Variants in PMS1 observed in about 807,000 individuals in gnomAD.
PMS1 encodes PMS1 protein homolog 1.
Under a neutral mutation model 93.1 loss-of-function variants are expected in PMS1, and 79 were observed. The observed-to-expected ratio is 0.85, with a 90% confidence interval of 0.71 to 1.02. PMS1 has a LOEUF of 1.02. PMS1 is among the 50% of genes least tolerant of loss of function. The pLI is 0.00. For missense variants in PMS1, 1,064 were observed against 1,085.3 expected (o/e 0.98, Z 0.28); for synonymous variants, 335 against 363.4 (o/e 0.92, Z 0.89).
At chr2:189,862,104 C>T (rs1259280399) in intron 9 of PMS1, among the ~76,000 whole-genome samples, 1 of 152,120 alleles carries the variant, frequency 6.6e-6, no homozygotes, top group South Asian at 2.1e-4. Flanking sequence ...TTATCTGGGA[C>T]TCCAATGACA....
chr2:189,788,105 A>G (rs914317423), intron 1 of PMS1, among the ~76,000 whole-genome samples: 4 of 152,238 alleles, frequency 2.6e-5, no homozygotes, highest in African/African-American at 9.6e-5. Context: ...ATGAGGTATT[A>G]TAGGAAACGA....
chr2:189,837,980 G>A (rs1257172797), intron 5 of PMS1, among the ~76,000 whole-genome samples: 1 of 152,134 alleles, frequency 6.6e-6, no homozygotes. Context: ...ATTTTATATA[G>A]AGAGAAGATA....
intron 5 of PMS1, among the ~76,000 whole-genome samples, chr2:189,835,317 CA>C (rs1358819515): frequency 6.6e-6 from 1 of 152,110 alleles, no homozygotes; most frequent in East Asian, 1.9e-4. Context: ...TAGCAATAAT[CA>C]ATTCATATTA....
At chr2:189,822,852 T>C (rs186859528) in intron 5 of PMS1, among the ~76,000 whole-genome samples, 69 of 152,296 alleles carry the variant, frequency 4.5e-4, no homozygotes, top group African/African-American at 1.6e-3. Flanking sequence ...GTAAAAATCT[T>C]ATAAGAAAAT....
intron 6 of PMS1, among the ~76,000 whole-genome samples, chr2:189,845,404 C>T (rs1036538316): frequency 6.6e-6 from 1 of 151,964 alleles, no homozygotes; most frequent in African/African-American, 2.4e-5. Flanking sequence ...CAAAATTTAT[C>T]ATGTTTTTCT....
intron 3 of PMS1, among the ~76,000 whole-genome samples, chr2:189,804,707 C>A (rs1010432191): frequency 3.3e-5 from 5 of 152,082 alleles, no homozygotes; most frequent in Admixed American, 3.3e-4. Flanking sequence ...CAGATGAGTT[C>A]CAACAGTGGG....
At chr2:189,836,629 A>T (rs2053406904) in intron 5 of PMS1, among the ~76,000 whole-genome samples, 1 of 152,238 alleles carries the variant, frequency 6.6e-6, no homozygotes, top group African/African-American at 2.4e-5. Context: ...TCCTGTTTTG[A>T]AAATGAATCT....
At chr2:189,865,075 A>C (rs1048831691) in intron 10 of PMS1, among the ~76,000 whole-genome samples, 3 of 151,848 alleles carry the variant, frequency 2.0e-5, no homozygotes, top group Non-Finnish European at 4.4e-5. Flanking sequence ...ATCTTTCAAT[A>C]TCTCTCTCTC....
At chr2:189,809,158 A>G (rs2050603091) in intron 4 of PMS1, among the ~76,000 whole-genome samples, 1 of 152,192 alleles carries the variant, frequency 6.6e-6, no homozygotes. Context: ...TTAATTTAAG[A>G]ATGGACCTTT....
chr2:189,825,054 T>G (rs1347276767), intron 5 of PMS1, among the ~76,000 whole-genome samples: 1 of 152,128 alleles, frequency 6.6e-6, no homozygotes, highest in African/African-American at 2.4e-5. Flanking sequence ...AGACAAACAA[T>G]CATATTGCGC....
intron 1 of PMS1, among the ~76,000 whole-genome samples, chr2:189,791,060 A>T (rs1010346362): frequency 6.6e-6 from 1 of 151,906 alleles, no homozygotes; most frequent in Non-Finnish European, 1.5e-5. Context: ...TTCTTCCTCT[A>T]ATGTTATTGT....
At chr2:189,870,821 CCA>C (rs1055048148) in intron 11 of PMS1, among the ~76,000 whole-genome samples, 11 of 152,230 alleles carry the variant, frequency 7.2e-5, no homozygotes, top group African/African-American at 2.6e-4. Flanking sequence ...TTTTTGCCTA[CCA>C]CACACAGTTT....
Position 189,855,068 on chromosome 2 carries a change from A to G in PMS1, c.1796A>G (p.Glu599Gly). Residue 599 changes from glutamate to glycine, a missense_variant, in exon 9 of 13, where the codon GAG becomes GGG. By Grantham distance (98) the Glu-to-Gly change is moderately conservative (BLOSUM62 -2). Transcript: ENST00000441310. ...FLIENPKTSL[E>G]DATLQIEELW... ...ATAGAAAATCCTAAGACTAGTTTAGAGGATGCAACACTACAAATTGAAGAA... is the reference window on the plus strand; with the variant it reads ...ATAGAAAATCCTAAGACTAGTTTAGGGGATGCAACACTACAAATTGAAGAA... 1.1e-5 allele frequency: 17 copies of G among 1,613,344 alleles called. No homozygotes were observed. The highest frequency in any genetic ancestry group is 1.4e-5 in the Non-Finnish European group (17 of 1,179,418).
intron 6 of PMS1, among the ~76,000 whole-genome samples, chr2:189,846,863 C>CT (rs751908829): frequency 1.8e-3 from 246 of 137,662 alleles, no homozygotes; most frequent in East Asian, 3.1e-3. Context: ...TCTTTTTTTT[C>CT]TTTTTTTTTT....
intron 9 of PMS1, among the ~76,000 whole-genome samples, chr2:189,858,061 A>C (rs2055538284): frequency 1.3e-5 from 2 of 152,116 alleles, no homozygotes; most frequent in African/African-American, 4.8e-5. Context: ...CAAAGCTATA[A>C]CAAAGAGTTT....
chr2:189,803,826 C>T lies in PMS1; in HGVS notation c.316-1826C>T, dbSNP rs369570077. ...TTGCAAAGCATTTCATATCTAAATA[C>T]GTTTTCGTAGTATTCTACAAATTGT... On this transcript the variant is annotated intron_variant, in intron 3 of 12. Coordinates refer to ENST00000441310, the MANE Select transcript of PMS1 (RefSeq NM_000534.5). Among the ~76,000 whole-genome samples, 11 of 152,062 alleles carry T rather than the reference C, an allele frequency of 7.2e-5. No homozygotes were observed. In the South Asian group the frequency reaches 8.3e-4, roughly 11 times the overall value.
intron 11 of PMS1, among the ~76,000 whole-genome samples, chr2:189,872,612 A>G (rs1198660211): frequency 6.6e-6 from 1 of 152,076 alleles, no homozygotes; most frequent in Non-Finnish European, 1.5e-5. Flanking sequence ...CCAATCCTTT[A>G]GCTAGTTTCT....
intron 6 of PMS1, among the ~76,000 whole-genome samples, chr2:189,846,157 T>C (rs1221258926): frequency 6.6e-6 from 1 of 151,682 alleles, no homozygotes; most frequent in African/African-American, 2.4e-5. Flanking sequence ...CTGAGGCACT[T>C]GGGGCCAGAA....
chr2:189,816,607 T>A (rs1261527543), intron 4 of PMS1, among the ~76,000 whole-genome samples: 1 of 152,212 alleles, frequency 6.6e-6, no homozygotes, highest in Non-Finnish European at 1.5e-5. Context: ...ATTTATTTAA[T>A]TACATCTCCA....
Sources: gnomAD v4.1 joint callset for allele counts (sites outside exome capture counted in the v4.1 genomes callset) on GRCh38, gnomAD v4.1.1 for gene constraint, MANE v1.5 for transcripts, NCBI Gene and HGNC (gene_info 2026-07-23, HGNC 2026-07-21) for gene names.